GNPAT: variants seen among roughly 807,000 people sequenced by gnomAD.
GNPAT encodes the protein dihydroxyacetone phosphate acyltransferase.
In GNPAT, 30 loss-of-function variants were observed where a neutral mutation model predicts 78.4. The ratio of observed to expected loss-of-function variants is 0.38; its 90% CI spans 0.29 to 0.52. The LOEUF is 0.52. Among genes scored for constraint, GNPAT ranks in the 20% least tolerant of loss-of-function variants. The pLI is 0.84. For synonymous variants in GNPAT, 271 were observed against 281.1 expected (o/e 0.96, Z 0.36); for missense variants, 714 against 812.2 (o/e 0.88, Z 1.47).
At chr1:231,259,423 G>A (rs1005648603) in intron 2 of GNPAT, among the ~76,000 whole-genome samples, 2 of 151,842 alleles carry the variant, frequency 1.3e-5, no homozygotes, top group Admixed American at 6.5e-5. Flanking sequence ...TGAGGCGGGC[G>A]GATCACCTGA....
At chr1:231,255,170 C>T (rs1685013864) in intron 2 of GNPAT, among the ~76,000 whole-genome samples, 1 of 152,140 alleles carries the variant, frequency 6.6e-6, no homozygotes, top group Non-Finnish European at 1.5e-5. Context: ...AATCCCTTCT[C>T]CTGTTTGAGT....
At chr1:231,246,384 G>C (rs964969330) in intron 1 of GNPAT, among the ~76,000 whole-genome samples, 3 of 152,234 alleles carry the variant, frequency 2.0e-5, no homozygotes, top group African/African-American at 7.2e-5. Flanking sequence ...TCTCAGTGCA[G>C]TCCCTGCCTG....
chr1:231,271,926 C>A (rs1166962266), intron 10 of GNPAT, among the ~76,000 whole-genome samples: 6 of 152,152 alleles, frequency 3.9e-5, no homozygotes, highest in African/African-American at 1.4e-4. Context: ...CATGGTGAAA[C>A]CCTGTCTCTA....
At chr1:231,243,864 ATG>A (rs532068136) in intron 1 of GNPAT, among the ~76,000 whole-genome samples, 5 of 151,184 alleles carry the variant, frequency 3.3e-5, no homozygotes, top group South Asian at 4.2e-4. Context: ...TCTTACATCT[ATG>A]TGTGTGTGTG....
chr1:231,252,610 A>G (rs1411617907), intron 2 of GNPAT, among the ~76,000 whole-genome samples: 1 of 152,082 alleles, frequency 6.6e-6, no homozygotes, highest in African/African-American at 2.4e-5. Context: ...CATTTTTGCT[A>G]GCAGCAGTCT....
intron 10 of GNPAT, among the ~76,000 whole-genome samples, chr1:231,271,736 G>A (rs887945512): frequency 1.3e-5 from 2 of 152,194 alleles, no homozygotes; most frequent in East Asian, 3.9e-4. Context: ...GAAAAATGAA[G>A]CGTCCTGGCC....
Position 231,267,866 on chromosome 1 carries a change from C to T in GNPAT, c.1242C>T (p.Gly414=). 1 of 1,613,214 alleles carries T rather than the reference C, an allele frequency of 6.2e-7. No individual in the cohort carries two copies. Among genetic ancestry groups the T allele is most frequent in the South Asian group, 1.1e-5 (1 of 91,074 alleles). Reference sequence around the variant, plus strand: ...TGGAAAAGACTTTATGGCTAAAAGGCTTAACCCAGGCATTTGGAGGGTTTC... The same window carrying T: ...TGGAAAAGACTTTATGGCTAAAAGGTTTAACCCAGGCATTTGGAGGGTTTC... ...ALVEKTLWLK[G]LTQAFGGFLI... The change falls in exon 9 of 16, where the codon GGC becomes GGT. Residue 414 remains glycine, a synonymous_variant. Coordinates refer to ENST00000366647, the MANE Select transcript of GNPAT (RefSeq NM_014236.4).
intron 2 of GNPAT, among the ~76,000 whole-genome samples, chr1:231,254,949 C>A (rs756604736): frequency 6.6e-6 from 1 of 151,966 alleles, no homozygotes; most frequent in Non-Finnish European, 1.5e-5. Flanking sequence ...GATGGGGTCT[C>A]ACCATGGTGA....
chr1:231,260,796 C>T, intron 3 of GNPAT, 113 bp downstream of exon 3: 1 of 739,536 alleles, frequency 1.4e-6, no homozygotes, highest in Non-Finnish European at 2.3e-6. Flanking sequence ...TCAAGGACAG[C>T]TCACTTGGTC....
chr1:231,274,779 T>TA (rs2102827630), intron 12 of GNPAT: 1 of 234,472 alleles, frequency 4.3e-6, no homozygotes, highest in South Asian at 5.7e-5. Context: ...GTCTAGCACT[T>TA]ACTGAGCATT....
In GNPAT at chr1:231,254,755, A is replaced by AT. The variant is rs1202180202; in HGVS notation, c.261+3627dup. The stretch of plus-strand genomic sequence containing the variant: ...GAGCCATTGCGTCCGGCCGAAAAAA[A>AT]TTTTTTTTTTTTTTTGCGACAGAGT... On this transcript the variant is annotated intron_variant, in intron 2 of 15. Coordinates refer to ENST00000366647, the MANE Select transcript of GNPAT (RefSeq NM_014236.4). 2.3e-3 allele frequency among the ~76,000 whole-genome samples: 319 copies of AT among 140,036 alleles called. 1 individual carries two copies. Among genetic ancestry groups the AT allele is most frequent in the Middle Eastern group, 3.7e-3 (1 of 268 alleles). 91.9% of individuals were successfully genotyped at this position (140,036 alleles called of 152,430 possible).
chr1:231,265,864 A>T, intron 6 of GNPAT, 77 bp downstream of exon 6: 1 of 1,083,418 alleles, frequency 9.2e-7, no homozygotes, highest in Non-Finnish European at 1.4e-6. Context: ...CGCTTTATTT[A>T]ACAAGATATT....
chr1:231,257,003 A>T (rs1375028894), intron 2 of GNPAT, among the ~76,000 whole-genome samples: 1 of 152,226 alleles, frequency 6.6e-6, no homozygotes, highest in African/African-American at 2.4e-5. Flanking sequence ...GGAGTTAGTT[A>T]TAAGACTATT....
chr1:231,264,563 TAAGCACTTTA>T (rs1685321830), intron 4 of GNPAT, among the ~76,000 whole-genome samples: 1 of 152,212 alleles, frequency 6.6e-6, no homozygotes, highest in Non-Finnish European at 1.5e-5. Context: ...GCCAAGAACT[TAAGCACTTTA>T]AAAGCATTTT....
intron 4 of GNPAT, among the ~76,000 whole-genome samples, chr1:231,264,378 C>A (rs1685313767): frequency 6.6e-6 from 1 of 152,116 alleles, no homozygotes; most frequent in Admixed American, 6.5e-5. Flanking sequence ...CTGTTATAAA[C>A]AATGTCATAA....
chr1:231,261,210 C>T (rs977858361), intron 3 of GNPAT, among the ~76,000 whole-genome samples: 4 of 152,188 alleles, frequency 2.6e-5, no homozygotes, highest in African/African-American at 4.8e-5. Context: ...TAAAGAAAAT[C>T]GTAGCTCATG....
intron 1 of GNPAT, among the ~76,000 whole-genome samples, chr1:231,248,080 C>A (rs893399383): frequency 2.0e-5 from 3 of 152,172 alleles, no homozygotes; most frequent in Non-Finnish European, 4.4e-5. Flanking sequence ...GACCTTTGAA[C>A]AACGTGGGAG....
At chr1:231,242,091 C>G (rs758708153) in intron 1 of GNPAT, among the ~76,000 whole-genome samples, 7 of 152,188 alleles carry the variant, frequency 4.6e-5, no homozygotes, top group Non-Finnish European at 8.8e-5. Context: ...CCCCCTCTTC[C>G]TCTCTTGGTT....
chr1:231,275,982 G>A (rs890646576), intron 14 of GNPAT, among the ~76,000 whole-genome samples, 153 bp from the exon 15 acceptor site: 1 of 152,190 alleles, frequency 6.6e-6, no homozygotes, highest in Non-Finnish European at 1.5e-5. Context: ...GCCAGGAGGT[G>A]GGACAGGAGC....
Sources: allele counts gnomAD v4.1 joint callset (sites outside exome capture counted in the v4.1 genomes callset), GRCh38; gene constraint gnomAD v4.1.1; transcripts MANE v1.5; gene names NCBI Gene and HGNC (gene_info 2026-07-23, HGNC 2026-07-21).